The following EML4 variants were observed in gnomAD, a reference collection of about 807,000 sequenced individuals.
EML4 encodes the protein EMAP like 4.
In EML4, 72 loss-of-function variants were observed where a neutral mutation model predicts 129.0. The observed-to-expected ratio is 0.56, with a 90% CI of 0.46 to 0.68. EML4 has a LOEUF of 0.68. Among genes scored for constraint, EML4 ranks in the 30% least tolerant of loss-of-function variants. The probability of loss-of-function intolerance (pLI) is 0.00; values close to 1 mark genes in which losing one functional copy is unlikely to be tolerated. For missense variants in EML4, 1,363 were observed against 1,190.6 expected (o/e 1.14, Z -2.13); for synonymous variants, 532 against 405.0 (o/e 1.31, Z -3.77).
intron 1 of EML4, among the ~76,000 whole-genome samples, chr2:42,233,893 C>G (rs1674501965): frequency 6.6e-6 from 1 of 152,142 alleles, no homozygotes; most frequent in Non-Finnish European, 1.5e-5. Context: ...TTATTTCCTA[C>G]TAGGAAAAAT....
intron 1 of EML4, among the ~76,000 whole-genome samples, chr2:42,221,509 A>T (rs1261273865): frequency 6.8e-6 from 1 of 147,190 alleles, no homozygotes; most frequent in East Asian, 2.0e-4. Flanking sequence ...TCCCGGGCCC[A>T]AGCAATCCTC....
At chr2:42,208,791 C>G (rs992255574) in intron 1 of EML4, among the ~76,000 whole-genome samples, 56 of 119,282 alleles carry the variant, frequency 4.7e-4, no homozygotes, top group Admixed American at 1.7e-3. Context: ...CTCGTTCTGT[C>G]TGGCTTTTTT....
chr2:42,187,648 A>C (rs1671337740), intron 1 of EML4, among the ~76,000 whole-genome samples: 1 of 150,446 alleles, frequency 6.6e-6, no homozygotes, highest in East Asian at 1.9e-4. Flanking sequence ...TTTCTCTATG[A>C]ATTCTCCTAT....
intron 1 of EML4, among the ~76,000 whole-genome samples, chr2:42,180,367 T>C (rs1218486296): frequency 3.3e-5 from 5 of 152,182 alleles, no homozygotes; most frequent in Admixed American, 3.3e-4. Flanking sequence ...GTTTTAAAAA[T>C]AGGGAGATTT....
chr2:42,319,874 T>G (rs1176917571), intron 19 of EML4: 1 of 152,238 alleles, frequency 6.6e-6, no homozygotes, highest in African/African-American at 2.4e-5. Context: ...CTGTTATAGC[T>G]GCAGAAGCAC....
chr2:42,258,907 C>T (rs1257089479), intron 3 of EML4, among the ~76,000 whole-genome samples: 2 of 152,122 alleles, frequency 1.3e-5, no homozygotes, highest in African/African-American at 4.8e-5. Flanking sequence ...AACAAGCTTA[C>T]TTGTTGATTA....
chr2:42,296,570 CAGAA>C (rs1667969804), intron 13 of EML4, among the ~76,000 whole-genome samples: 1 of 152,086 alleles, frequency 6.6e-6, no homozygotes, highest in Non-Finnish European at 1.5e-5. Context: ...TTCGTGTGCT[CAGAA>C]AGACCCGATT....
At chr2:42,204,200 A>G (rs1221387991) in intron 1 of EML4, among the ~76,000 whole-genome samples, 3 of 152,228 alleles carry the variant, frequency 2.0e-5, no homozygotes, top group Non-Finnish European at 4.4e-5. Context: ...AATTACAGGT[A>G]TAAGCCACCA....
intron 19 of EML4, among the ~76,000 whole-genome samples, chr2:42,317,850 T>G (rs537545819): frequency 6.6e-6 from 1 of 152,324 alleles, no homozygotes; most frequent in African/African-American, 2.4e-5. Context: ...ATCTCATGTT[T>G]AATCTTAACT....
chr2:42,303,259 A>C (rs775257335), intron 15 of EML4, 30 bp downstream of exon 15: 2 of 1,613,986 alleles, frequency 1.2e-6, no homozygotes, highest in Non-Finnish European at 1.7e-6. Context: ...CCGTTAACTG[A>C]ATATTTTTTA....
rs553618113 is a variant in EML4, at chr2:42,321,185, C to T, written c.2154+3661C>T. On this transcript the variant is annotated intron_variant, in intron 19 of 22. Coordinates refer to ENST00000318522, the MANE Select transcript of EML4 (RefSeq NM_019063.5). ...GATCACAAGGTCAAGAGATCTACAC[C>T]ATCCTGGCTAACACGGTGAAACCCC... Among the ~76,000 whole-genome samples the T allele has an allele frequency of 2.4e-3, 368 of 152,048 alleles. 1 individual carries two copies. The highest frequency in any genetic ancestry group is 8.6e-3 in the African/African-American group (357 of 41,478).
At chr2:42,277,051 A>G (rs552355290) in intron 6 of EML4, among the ~76,000 whole-genome samples, 148 of 151,158 alleles carry the variant, frequency 9.8e-4, no homozygotes, top group Admixed American at 2.8e-3. Flanking sequence ...AAAGGAGAGC[A>G]TTTTTTTTTC....
At chr2:42,273,766 A>T (rs1284755597) in intron 6 of EML4, among the ~76,000 whole-genome samples, 1 of 152,184 alleles carries the variant, frequency 6.6e-6, no homozygotes, top group South Asian at 2.1e-4. Context: ...AAATCTGTGA[A>T]ATAAGAAAGT....
intron 1 of EML4, among the ~76,000 whole-genome samples, chr2:42,182,897 A>G (rs1444396349): frequency 1.3e-5 from 2 of 152,102 alleles, no homozygotes; most frequent in African/African-American, 4.8e-5. Context: ...TTGTGTGTAC[A>G]TATCACTGGT....
At chr2:42,313,287 T>A (rs1669063304) in intron 17 of EML4, among the ~76,000 whole-genome samples, 1 of 152,168 alleles carries the variant, frequency 6.6e-6, no homozygotes, top group Non-Finnish European at 1.5e-5. Flanking sequence ...TGTATTTGAT[T>A]GATGTCTCAT....
intron 1 of EML4, among the ~76,000 whole-genome samples, chr2:42,239,799 A>G (rs1000914503): frequency 9.2e-5 from 14 of 152,140 alleles, no homozygotes; most frequent in African/African-American, 3.4e-4. Flanking sequence ...AAAATGATCT[A>G]ATCTACTTGA....
chr2:42,256,489 A>G lies in EML4; in HGVS notation c.209-12A>G. The G allele has an allele frequency of 6.3e-7, 1 of 1,575,538 alleles. No individual in the cohort carries two copies. The highest frequency in any genetic ancestry group is 8.6e-7 in the Non-Finnish European group (1 of 1,165,232). On this transcript the variant is annotated splice_polypyrimidine_tract_variant and intron_variant, in intron 2 of 22. Transcript: ENST00000318522. ...CAAATTTGATATAATTTTTTTCCTT[A>G]ATTATCTTTAGGCCAACCAAGCCCT...
At chr2:42,188,815 C>T (rs1671417892) in intron 1 of EML4, among the ~76,000 whole-genome samples, 3 of 152,142 alleles carry the variant, frequency 2.0e-5, no homozygotes. Context: ...TGTGAACCGC[C>T]ATGCCCAGCC....
intron 1 of EML4, among the ~76,000 whole-genome samples, chr2:42,170,603 G>C (rs1456072059): frequency 2.0e-5 from 3 of 152,198 alleles, no homozygotes; most frequent in Non-Finnish European, 2.9e-5. Context: ...GCTGAATCTG[G>C]AATTACTATT....
Sources: allele counts gnomAD v4.1 joint callset (sites outside exome capture counted in the v4.1 genomes callset), GRCh38; gene constraint gnomAD v4.1.1; transcripts MANE v1.5; gene names NCBI Gene and HGNC (gene_info 2026-07-23, HGNC 2026-07-21).